KCNQ5: variants seen among roughly 807,000 people sequenced by gnomAD.
KCNQ5 encodes the protein potassium voltage-gated channel subfamily Q member 5, also known as potassium voltage-gated channel subfamily KQT member 5.
A neutral mutation model predicts 98.2 loss-of-function variants in KCNQ5; 30 were observed. The observed-to-expected ratio is 0.31, with a 90% CI of 0.23 to 0.41. The LOEUF is 0.41. KCNQ5 is among the 10% of genes least tolerant of loss of function. The pLI, the probability that KCNQ5 is intolerant of heterozygous loss-of-function variation, is 1.00. For synonymous variants in KCNQ5, 458 were observed against 449.4 expected, an observed-to-expected ratio of 1.02 and a Z score of -0.24; for missense variants, 835 against 1,182.5, an observed-to-expected ratio of 0.71 and a Z score of 4.31.
chr6:72,730,797 C>A (rs1770516640), intron 1 of KCNQ5, among the ~76,000 whole-genome samples: 2 of 150,626 alleles, frequency 1.3e-5, no homozygotes, highest in Non-Finnish European at 3.0e-5. Flanking sequence ...TTGTTTGTTT[C>A]TTTTTCCATA....
In KCNQ5 at chr6:72,988,394, T is replaced by C. The variant is rs552551299; in HGVS notation, c.399-15514T>C. Among the ~76,000 whole-genome samples the C allele has an allele frequency of 5.9e-5, 9 of 152,222 alleles. No individual in the cohort carries two copies. The South Asian group carries it at 1.9e-3, about 32-fold the overall frequency. On this transcript the variant is annotated intron_variant, in intron 1 of 13. Transcript: ENST00000370398. ...CTGGAGGCCAAAGTCCTAAGCAAAT[T>C]AGTACAGGAACAAAAAAACAAATAC...
At chr6:72,692,952 A>G (rs1768287268) in intron 1 of KCNQ5, among the ~76,000 whole-genome samples, 1 of 152,132 alleles carries the variant, frequency 6.6e-6, no homozygotes, top group Non-Finnish European at 1.5e-5. Context: ...TTCAAAAAGG[A>G]ATGAGGAGGT....
chr6:73,098,115 CAAA>C (rs1432649827), intron 5 of KCNQ5, among the ~76,000 whole-genome samples: 1 of 151,708 alleles, frequency 6.6e-6, no homozygotes, highest in East Asian at 1.9e-4. Flanking sequence ...ATCTGGAGGT[CAAA>C]AATGCAACTG....
intron 13 of KCNQ5, among the ~76,000 whole-genome samples, chr6:73,193,124 G>T (rs557167928): frequency 1.3e-5 from 2 of 150,110 alleles, no homozygotes; most frequent in South Asian, 2.1e-4. Flanking sequence ...GGGTTCAAGT[G>T]ATTCTCGTGC....
At chr6:72,726,448 C>A (rs567013943) in intron 1 of KCNQ5, among the ~76,000 whole-genome samples, 1 of 151,978 alleles carries the variant, frequency 6.6e-6, no homozygotes, top group Non-Finnish European at 1.5e-5. Flanking sequence ...CTCCTGACCT[C>A]GTGATCCGCC....
At chr6:72,698,350 T>G (rs925461529) in intron 1 of KCNQ5, among the ~76,000 whole-genome samples, 2 of 152,028 alleles carry the variant, frequency 1.3e-5, no homozygotes, top group Non-Finnish European at 2.9e-5. Flanking sequence ...ATTACAGGCG[T>G]GTGCCACCAC....
intron 9 of KCNQ5, among the ~76,000 whole-genome samples, chr6:73,125,037 A>AT (rs1338081526): frequency 3.5e-5 from 4 of 115,490 alleles, no homozygotes; most frequent in Non-Finnish European, 7.7e-5. Context: ...TTATATGTAT[A>AT]GGTATATATA....
chr6:72,891,948 T>C (rs1779073532), intron 1 of KCNQ5, among the ~76,000 whole-genome samples: 1 of 152,176 alleles, frequency 6.6e-6, no homozygotes, highest in African/African-American at 2.4e-5. Flanking sequence ...TTAACAACAC[T>C]GTGAATACTA....
At chr6:73,179,811 A>G (rs1038053094) in intron 11 of KCNQ5, among the ~76,000 whole-genome samples, 12 of 152,164 alleles carry the variant, frequency 7.9e-5, no homozygotes, top group African/African-American at 2.7e-4. Flanking sequence ...CCTCTTCTGC[A>G]TTCCCATATC....
chr6:72,920,834 C>G (rs1376208625), intron 1 of KCNQ5, among the ~76,000 whole-genome samples: 2 of 152,172 alleles, frequency 1.3e-5, no homozygotes, highest in Non-Finnish European at 2.9e-5. Context: ...AGGGGTTCTG[C>G]TTGCTACCAC....
At chr6:72,875,512 C>G (rs1778372935) in intron 1 of KCNQ5, among the ~76,000 whole-genome samples, 1 of 152,146 alleles carries the variant, frequency 6.6e-6, no homozygotes, top group Admixed American at 6.5e-5. Flanking sequence ...AAGAACACAA[C>G]AAATGTCAAG....
At chr6:73,184,921 C>T (rs1205184106) in intron 11 of KCNQ5, among the ~76,000 whole-genome samples, 1 of 152,198 alleles carries the variant, frequency 6.6e-6, no homozygotes, top group Non-Finnish European at 1.5e-5. Flanking sequence ...ATTCACTACC[C>T]TCTTCCTTCT....
chr6:72,629,625 G>A (rs1339613777), intron 1 of KCNQ5, among the ~76,000 whole-genome samples: 1 of 152,202 alleles, frequency 6.6e-6, no homozygotes, highest in East Asian at 1.9e-4. Context: ...AGTAGCGCCA[G>A]TTTTAATTTT....
At chr6:72,982,245 A>G (rs1768497921) in intron 1 of KCNQ5, among the ~76,000 whole-genome samples, 1 of 152,156 alleles carries the variant, frequency 6.6e-6, no homozygotes, top group Non-Finnish European at 1.5e-5. Context: ...TCTAATATTG[A>G]CAGTGGGATG....
chr6:72,940,997 C>T (rs746579316), intron 1 of KCNQ5, among the ~76,000 whole-genome samples: 3 of 151,960 alleles, frequency 2.0e-5, no homozygotes, highest in Non-Finnish European at 4.4e-5. Context: ...AAAAATACGG[C>T]ATAATATGAA....
chr6:73,095,947 C>A (rs889556953), intron 5 of KCNQ5, among the ~76,000 whole-genome samples: 1 of 152,078 alleles, frequency 6.6e-6, no homozygotes, highest in African/African-American at 2.4e-5. Flanking sequence ...TACTCATAAG[C>A]AAACTGTTTA....
In KCNQ5 at chr6:73,082,939, G is replaced by A. The variant is rs556082791; in HGVS notation, c.918+5052G>A. ...AGGGTCTCACTCTGTCACATAGGTT[G>A]CAGTGCATTGGTGCATTTATAGCTC... On this transcript the variant is annotated intron_variant, in intron 5 of 13. Transcript: ENST00000370398. 8.9e-5 allele frequency among the ~76,000 whole-genome samples: 12 copies of A among 134,822 alleles called. 1 individual carries two copies. In the Admixed American group the frequency reaches 1.0e-3, roughly 11 times the overall value. The allele number at this position is 134,822 out of a possible 152,430, so 88.4% of individuals were successfully genotyped here.
intron 7 of KCNQ5, among the ~76,000 whole-genome samples, chr6:73,118,794 G>T (rs1279629639): frequency 6.6e-6 from 1 of 152,178 alleles, no homozygotes; most frequent in Non-Finnish European, 1.5e-5. Context: ...GGCCGAGGTG[G>T]CAGATCACCT....
chr6:72,994,085 A>G (rs1329995699), intron 1 of KCNQ5, among the ~76,000 whole-genome samples: 1 of 10,836 alleles, frequency 9.2e-5, no homozygotes, highest in Non-Finnish European at 1.4e-4. Flanking sequence ...GGGACACTTA[A>G]GTCTGCAGAG....
Sources: allele counts gnomAD v4.1 joint callset (sites outside exome capture counted in the v4.1 genomes callset), GRCh38; gene constraint gnomAD v4.1.1; transcripts MANE v1.5; gene names NCBI Gene and HGNC (gene_info 2026-07-23, HGNC 2026-07-21).